Variants in UCK2 observed in about 807,000 individuals in gnomAD.
UCK2 encodes the protein uridine-cytidine kinase 2.
A neutral mutation model predicts 30.8 loss-of-function variants in UCK2; 6 were observed. The observed-to-expected ratio is 0.19, with a 90% CI of 0.11 to 0.38. The LOEUF (loss-of-function observed/expected upper bound fraction) is 0.38, where lower values mean the gene tolerates loss of function less well. UCK2 is among the 10% of genes least tolerant of loss of function. The pLI is 1.00. For missense variants in UCK2, 210 were observed against 339.8 expected, an observed-to-expected ratio of 0.62 and a Z score of 3.00; for synonymous variants, 125 against 133.6, an observed-to-expected ratio of 0.94 and a Z score of 0.45.
At chr1:165,907,597 T>C in intron 6 of UCK2, 87 bp from the exon 7 acceptor site, 1 of 1,520,532 alleles carries the variant, frequency 6.6e-7, no homozygotes, top group Non-Finnish European at 8.9e-7. Flanking sequence ...CTGTGGTTCC[T>C]GCATGCCCTT....
At chr1:165,861,357 G>A (rs551958655) in intron 1 of UCK2, among the ~76,000 whole-genome samples, 35 of 152,088 alleles carry the variant, frequency 2.3e-4, no homozygotes, top group Admixed American at 1.2e-3. Context: ...GGCCGGGCGC[G>A]GTGGCTCACG....
intron 4 of UCK2, chr1:165,902,702 G>A (rs567366426): frequency 1.0e-4 from 15 of 150,072 alleles, no homozygotes; most frequent in African/African-American, 3.7e-4. Context: ...TGCTGCAGAG[G>A]GGGCATGGGT....
intron 1 of UCK2, among the ~76,000 whole-genome samples, chr1:165,877,442 G>A (rs1012690872): frequency 9.2e-5 from 14 of 152,034 alleles, no homozygotes; most frequent in Admixed American, 2.6e-4. Context: ...CGGATTTCCC[G>A]CCCCTCCACT....
chr1:165,884,685 A>G (rs575802209), intron 1 of UCK2, among the ~76,000 whole-genome samples: 1 of 152,356 alleles, frequency 6.6e-6, no homozygotes, highest in East Asian at 1.9e-4. Flanking sequence ...GAAGACACAC[A>G]CTAGAACTAA....
intron 1 of UCK2, among the ~76,000 whole-genome samples, chr1:165,885,992 C>G (rs1006770832): frequency 1.3e-5 from 2 of 152,078 alleles, no homozygotes; most frequent in Admixed American, 6.5e-5. Context: ...ATTGGATGAC[C>G]AAATTCCAGA....
chr1:165,853,727 G>A (rs1371577469), intron 1 of UCK2, among the ~76,000 whole-genome samples: 5 of 152,050 alleles, frequency 3.3e-5, no homozygotes, highest in Non-Finnish European at 5.9e-5. Flanking sequence ...GTATTACCAG[G>A]TTTAGGTACT....
At chr1:165,878,916 C>A (rs560455733) in intron 1 of UCK2, among the ~76,000 whole-genome samples, 2 of 152,302 alleles carry the variant, frequency 1.3e-5, no homozygotes, top group African/African-American at 4.8e-5. Flanking sequence ...GTGGCTATAC[C>A]ATTTTGCAGC....
At position 165,904,924 on chromosome 1, in the gene UCK2, ACTTT is replaced by A. The variant is rs1242929630; in HGVS notation, c.598-988_598-985del. Reference sequence around the variant, plus strand: ...AAGAAATATGCCTCTTTGTGGCCTGACTTTCTTTCTTTAAAAATTGGGTAATAAT... The same window carrying A: ...AAGAAATATGCCTCTTTGTGGCCTGACTTTCTTTAAAAATTGGGTAATAAT... On this transcript the variant is annotated intron_variant, in intron 5 of 6. Transcript: ENST00000367879. Among the ~76,000 whole-genome samples, 4 of 152,330 alleles carry A rather than the reference ACTTT, an allele frequency of 2.6e-5. No homozygotes were observed. In the East Asian group the frequency reaches 7.7e-4, roughly 29 times the overall value.
intron 1 of UCK2, among the ~76,000 whole-genome samples, chr1:165,869,264 C>G (rs1655130142): frequency 6.6e-6 from 1 of 152,080 alleles, no homozygotes; most frequent in Non-Finnish European, 1.5e-5. Flanking sequence ...ACATGTGACA[C>G]AGAGATACAA....
At chr1:165,880,072 A>G (rs1391790833) in intron 1 of UCK2, among the ~76,000 whole-genome samples, 1 of 152,236 alleles carries the variant, frequency 6.6e-6, no homozygotes, top group Non-Finnish European at 1.5e-5. Flanking sequence ...ACTTTGTACA[A>G]CAAAGCACTG....
At chr1:165,827,966 G>A (rs773092577) in intron 1 of UCK2, 34 bp downstream of exon 1, 1 of 1,292,826 alleles carries the variant, frequency 7.7e-7, no homozygotes, top group Admixed American at 3.8e-5. Context: ...CTCCCTTCCC[G>A]GCTTCTGTCC....
intron 1 of UCK2, among the ~76,000 whole-genome samples, chr1:165,868,637 C>T (rs918822462): frequency 7.2e-5 from 11 of 152,214 alleles, no homozygotes; most frequent in Non-Finnish European, 1.5e-4. Flanking sequence ...CCTCATCTTT[C>T]TCAGCCTTCA....
At chr1:165,869,144 T>G (rs888034161) in intron 1 of UCK2, among the ~76,000 whole-genome samples, 2 of 152,156 alleles carry the variant, frequency 1.3e-5, no homozygotes, top group African/African-American at 2.4e-5. Flanking sequence ...TGGGCGTGGT[T>G]GGTGGCACCC....
intron 3 of UCK2, chr1:165,895,779 T>C (rs1237166095): frequency 2.2e-6 from 1 of 452,090 alleles, no homozygotes; most frequent in South Asian, 9.4e-5. Context: ...TGAGTTTCTG[T>C]TTTTAAAGTT....
chr1:165,831,615 A>T lies in UCK2; in HGVS notation c.99+3683A>T, dbSNP rs1362726008. Among the ~76,000 whole-genome samples the T allele has an allele frequency of 2.0e-5, 3 of 152,206 alleles. No homozygotes were observed. In the South Asian group the frequency reaches 6.2e-4, roughly 32 times the overall value. Reference sequence around the variant, plus strand: ...AAATCTGCTCCATTACACTGCCATCAGAGTGGTCTTCCTTAGGAATAGCTC... The same window carrying T: ...AAATCTGCTCCATTACACTGCCATCTGAGTGGTCTTCCTTAGGAATAGCTC... On this transcript the variant is annotated intron_variant, in intron 1 of 6. Coordinates refer to ENST00000367879, the MANE Select transcript of UCK2 (RefSeq NM_012474.5).
intron 1 of UCK2, among the ~76,000 whole-genome samples, chr1:165,836,782 C>T (rs1193975671): frequency 1.3e-5 from 2 of 152,158 alleles, no homozygotes; most frequent in African/African-American, 4.8e-5. Flanking sequence ...AGTTTGAAGA[C>T]AACTGATTTA....
intron 1 of UCK2, among the ~76,000 whole-genome samples, chr1:165,841,473 A>G (rs1394447478): frequency 6.6e-6 from 1 of 152,158 alleles, no homozygotes; most frequent in Non-Finnish European, 1.5e-5. Context: ...GGCGTGAGCC[A>G]CCGCGCCTGG....
rs59350667 is a variant in UCK2 at position 165,879,545 on chromosome 1, TTTATTA to T, written c.100-10638_100-10633del. Among the ~76,000 whole-genome samples, 124 of 146,876 alleles carry T rather than the reference TTTATTA, an allele frequency of 8.4e-4. 1 individual carries two copies. Among genetic ancestry groups the T allele is most frequent in the African/African-American group, 2.5e-3 (101 of 40,310 alleles). On this transcript the variant is annotated intron_variant, in intron 1 of 6. Coordinates refer to ENST00000367879, the MANE Select transcript of UCK2 (RefSeq NM_012474.5). ...CATTATATTCAAAGGATGTTTGCTT[TTTATTA>T]TTATTATTATTATTATTATTTTGTC...
chr1:165,833,808 A>G (rs1328558304), intron 1 of UCK2, among the ~76,000 whole-genome samples: 1 of 152,148 alleles, frequency 6.6e-6, no homozygotes, highest in Non-Finnish European at 1.5e-5. Context: ...TTGAGAGTAT[A>G]CTTTTATATG....
Sources: allele counts gnomAD v4.1 joint callset (sites outside exome capture counted in the v4.1 genomes callset), GRCh38; gene constraint gnomAD v4.1.1; transcripts MANE v1.5; gene names NCBI Gene and HGNC (gene_info 2026-07-23, HGNC 2026-07-21).